The following ACTN1 variants were observed in gnomAD, a reference collection of about 807,000 sequenced individuals.
ACTN1 encodes actinin alpha 1.
Under a neutral mutation model 119.6 loss-of-function variants are expected in ACTN1, and 30 were observed. That is an observed-to-expected ratio of 0.25 (90% confidence interval 0.19 to 0.34). The LOEUF (loss-of-function observed/expected upper bound fraction) is 0.34, where lower values mean the gene tolerates loss of function less well. Among genes scored for constraint, ACTN1 ranks in the 10% least tolerant of loss-of-function variants. The pLI, the probability that ACTN1 is intolerant of heterozygous loss-of-function variation, is 1.00. For missense variants in ACTN1, 764 were observed against 1,223.4 expected (o/e 0.62, Z 5.60); for synonymous variants, 429 against 472.6 (o/e 0.91, Z 1.20).
chr14:68,893,531 T>G, intron 9 of ACTN1, 124 bp downstream of exon 9: 1 of 923,180 alleles, frequency 1.1e-6, no homozygotes, highest in Non-Finnish European at 1.6e-6. Context: ...TGCCCTGGAC[T>G]AGCAGTATTG....
At chr14:68,932,839 T>TA in intron 1 of ACTN1, among the ~76,000 whole-genome samples, 1 of 152,278 alleles carries the variant, frequency 6.6e-6, no homozygotes, top group Non-Finnish European at 1.5e-5. Context: ...ACACCCTAGT[T>TA]GCTGGTAACA....
chr14:68,879,921 G>T lies in ACTN1; in HGVS notation c.2280+41C>A. 1 of 1,606,878 alleles carries T rather than the reference G, an allele frequency of 6.2e-7. No individual in the cohort carries two copies. The highest frequency in any genetic ancestry group is 8.5e-7 in the Non-Finnish European group (1 of 1,174,548). ...TGCCCTCCAGGGCCCTGGGGCAGGG[G>T]TTGGGGGCTGCACTAAGAAAGCACA... On this transcript the variant is annotated intron_variant, in intron 18 of 21. Coordinates refer to ENST00000394419, the MANE Select transcript of ACTN1 (RefSeq NM_001130004.2). The surrounding 1 kb of genome is among the most constrained non-coding windows in gnomAD (Gnocchi z 4.9).
At chr14:68,930,486 T>C (rs901603717) in intron 1 of ACTN1, among the ~76,000 whole-genome samples, 1 of 152,122 alleles carries the variant, frequency 6.6e-6, no homozygotes, top group Non-Finnish European at 1.5e-5. Context: ...AGTTAGGGGA[T>C]GAGCTTTTAC....
At chr14:68,900,139 C>T (rs1362156075) in intron 8 of ACTN1, among the ~76,000 whole-genome samples, 1 of 151,980 alleles carries the variant, frequency 6.6e-6, no homozygotes, top group Non-Finnish European at 1.5e-5. Context: ...TCTTGGGTGC[C>T]CAACCAGGCA....
At position 68,875,024 on chromosome 14, in the gene ACTN1, G is replaced by A. The variant is rs41285478; in HGVS notation, c.2587-7C>T. ...CGTCCATGGTAATGTAGTTCTGCGAGGAGAGAGTGGTCAGGAAGGCCGCAA... is the reference window on the plus strand; with the variant it reads ...CGTCCATGGTAATGTAGTTCTGCGAAGAGAGAGTGGTCAGGAAGGCCGCAA... On this transcript the variant is annotated splice_polypyrimidine_tract_variant and splice_region_variant and intron_variant, in intron 21 of 21. Coordinates refer to ENST00000394419, the MANE Select transcript of ACTN1 (RefSeq NM_001130004.2). 6.2e-7 allele frequency: 1 copy of A among 1,612,506 alleles called. No homozygotes were observed. Among genetic ancestry groups the A allele is most frequent in the Non-Finnish European group, 8.5e-7 (1 of 1,179,984 alleles).
chr14:68,887,882 T>G, intron 11 of ACTN1: 1 of 836,242 alleles, frequency 1.2e-6, no homozygotes, highest in East Asian at 2.4e-5. Context: ...TTTAGTTTCT[T>G]AGTTAGCCAC....
intron 1 of ACTN1, among the ~76,000 whole-genome samples, chr14:68,971,075 C>A (rs1430827056): frequency 6.6e-6 from 1 of 152,216 alleles, no homozygotes; most frequent in Non-Finnish European, 1.5e-5. Context: ...CCTCCCAATT[C>A]AAACATAAAC....
At chr14:68,942,498 G>C (rs953385163) in intron 1 of ACTN1, among the ~76,000 whole-genome samples, 1 of 152,222 alleles carries the variant, frequency 6.6e-6, no homozygotes, top group Non-Finnish European at 1.5e-5. Flanking sequence ...CACCACCCAG[G>C]AGGAAGTTTC....
rs1319133494 is a variant in ACTN1 at position 68,884,157 on chromosome 14, G to A, written c.1635+11C>T. 1.5e-5 allele frequency: 24 copies of A among 1,607,990 alleles called. No homozygotes were observed. Among genetic ancestry groups the A allele is most frequent in the Non-Finnish European group, 2.0e-5 (24 of 1,175,924 alleles). ...GGGAGCCAGCCTCCGGGGAGTGGAG[G>A]TGGGGCTCACCTGGATCTCCTCAAT... On this transcript the variant is annotated intron_variant, in intron 14 of 21. Transcript: ENST00000394419.
Position 68,902,646 on chromosome 14 carries a change from C to T in ACTN1, c.677-84G>A, listed in dbSNP as rs550180004. On this transcript the variant is annotated intron_variant, in intron 7 of 21. Transcript: ENST00000394419. ...ACGTGAGGCAGAAAGAAGCTCGCAGCACCACCAAGTCTTCTTGCCAAAATG... is the reference window on the plus strand; with the variant it reads ...ACGTGAGGCAGAAAGAAGCTCGCAGTACCACCAAGTCTTCTTGCCAAAATG... 6.9e-6 allele frequency: 8 copies of T among 1,155,364 alleles called. No individual in the cohort carries two copies. In the Admixed American group the frequency reaches 1.6e-4, roughly 22 times the overall value. The allele number at this position is 1,155,364 out of a possible 1,614,324, so 71.6% of individuals were successfully genotyped here.
At position 68,878,261 on chromosome 14, in the gene ACTN1, C is replaced by T; in HGVS notation, c.2427+197G>A. The T allele has an allele frequency of 4.5e-6, 3 of 659,832 alleles. No homozygotes were observed. The highest frequency in any genetic ancestry group is 5.2e-5 in the South Asian group (2 of 38,238). The allele number at this position is 659,832 out of a possible 1,614,324, so 40.9% of individuals were successfully genotyped here. A position where few individuals can be genotyped will look rare whatever the true frequency, so the allele number is the denominator to read the frequency against. ...CAGAGATTGAGGCGAGGAGGTCAGG[C>T]CTCCCGGATACACACACGCCCGTGG... is the stretch of plus-strand genomic sequence containing the variant. On this transcript the variant is annotated intron_variant, in intron 20 of 21. Coordinates refer to ENST00000394419, the MANE Select transcript of ACTN1 (RefSeq NM_001130004.2). The surrounding 1 kb of genome is among the most constrained non-coding windows in gnomAD (Gnocchi z 4.4).
chr14:68,912,045 G>A, intron 4 of ACTN1, 111 bp downstream of exon 4: 1 of 908,138 alleles, frequency 1.1e-6, no homozygotes, highest in Non-Finnish European at 1.8e-6. Context: ...AAGAAGCCCA[G>A]GACATGGCCC....
intron 1 of ACTN1, among the ~76,000 whole-genome samples, chr14:68,961,980 C>A (rs549718797): frequency 2.0e-4 from 31 of 152,324 alleles, no homozygotes; most frequent in African/African-American, 7.5e-4. Flanking sequence ...CCCTCGGCAC[C>A]CATCTACCCC....
rs2031306602 is a variant in ACTN1, at chr14:68,879,685, C to T, written c.2280+277G>A. ...CAGCAAGCCTTCACTGAGGGTGACT[C>T]CTCATGGTAGGAGAGCAAGGATCAG... is the stretch of plus-strand genomic sequence containing the variant. On this transcript the variant is annotated intron_variant, in intron 18 of 21. Coordinates refer to ENST00000394419, the MANE Select transcript of ACTN1 (RefSeq NM_001130004.2). The surrounding 1 kb of genome is among the most constrained non-coding windows in gnomAD (Gnocchi z 4.9). Among the ~76,000 whole-genome samples, 1 of 151,934 alleles carries T rather than the reference C, an allele frequency of 6.6e-6. No individual in the cohort carries two copies. The highest frequency in any genetic ancestry group is 2.4e-5 in the African/African-American group (1 of 41,292).
chr14:68,944,522 GA>G (rs1210141884), intron 1 of ACTN1, among the ~76,000 whole-genome samples: 3 of 152,330 alleles, frequency 2.0e-5, no homozygotes, highest in Admixed American at 2.0e-4. Context: ...CTAAGTCATG[GA>G]GCCTGCAGTC....
rs2030686345 is a variant in ACTN1, at chr14:68,874,940, G to A, written c.2664C>T (p.Pro888=). ...CTGGCACGGAGTCGGGGCCGGTGTAGGGGGCCATCCGCGCGATGCAGTACT... is the reference window on the plus strand; with the variant it reads ...CTGGCACGGAGTCGGGGCCGGTGTAAGGGGCCATCCGCGCGATGCAGTACT... ...QAEYCIARMA[P]YTGPDSVPGA... is the part of the protein sequence containing the mutation. Residue 888 remains proline (P), a synonymous_variant, in exon 22 of 22, where the codon CCC becomes CCT. Transcript: ENST00000394419. 2 of 1,613,142 alleles carry A rather than the reference G, an allele frequency of 1.2e-6. No homozygotes were observed. The highest frequency in any genetic ancestry group is 2.2e-5 in the East Asian group (1 of 44,856).
chr14:68,958,848 G>C (rs2140589338), intron 1 of ACTN1, among the ~76,000 whole-genome samples: 1 of 152,308 alleles, frequency 6.6e-6, no homozygotes, highest in Non-Finnish European at 1.5e-5. Flanking sequence ...TTCCTGAAGG[G>C]CCTCATCCCA....
At chr14:68,907,491 G>A (rs1462539105) in intron 6 of ACTN1, among the ~76,000 whole-genome samples, 1 of 152,120 alleles carries the variant, frequency 6.6e-6, no homozygotes, top group Non-Finnish European at 1.5e-5. Flanking sequence ...CTGAACCCAG[G>A]AGGCGGAGGT....
rs551763857 is a variant in ACTN1, at chr14:68,890,057, G to T, written c.1234+82C>A. The T allele has an allele frequency of 3.9e-6, 6 of 1,542,882 alleles. No individual in the cohort carries two copies. In the African/African-American group the frequency reaches 8.3e-5, roughly 21 times the overall value. Reference sequence around the variant, plus strand: ...CCAAATGAAACAAATGAAAAGCAAAGAATAGCATAGTGGCTGCTGGCTGGG... The same window carrying T: ...CCAAATGAAACAAATGAAAAGCAAATAATAGCATAGTGGCTGCTGGCTGGG... On this transcript the variant is annotated intron_variant, in intron 11 of 21. Coordinates refer to ENST00000394419, the MANE Select transcript of ACTN1 (RefSeq NM_001130004.2).
Sources: allele counts gnomAD v4.1 joint callset (sites outside exome capture counted in the v4.1 genomes callset), GRCh38; gene constraint gnomAD v4.1.1; non-coding constraint Gnocchi (gnomAD v3.1); transcripts MANE v1.5; gene names NCBI Gene and HGNC (gene_info 2026-07-23, HGNC 2026-07-21).